The following HPR variants were observed in gnomAD, a reference collection of about 807,000 sequenced individuals.
HPR encodes the protein haptoglobin-related protein, also known as Haptoglobin-related locus.
In HPR, 17 loss-of-function variants were observed where a neutral mutation model predicts 18.5. That is an observed-to-expected ratio of 0.92 (90% CI 0.63 to 1.38). The LOEUF (loss-of-function observed/expected upper bound fraction) is 1.38, where lower values mean the gene tolerates loss of function less well. HPR is among the 40% of genes most tolerant of loss of function. The pLI is 0.00. For missense variants in HPR, 457 were observed against 432.4 expected (o/e 1.06, Z -0.51); for synonymous variants, 176 against 165.0 (o/e 1.07, Z -0.51).
In HPR at chr16:72,074,390, GACC is replaced by G; in HGVS notation, c.193+6_193+8del. 6.3e-7 allele frequency: 1 copy of G among 1,596,556 alleles called. No individual in the cohort carries two copies. The highest frequency in any genetic ancestry group is 8.6e-7 in the Non-Finnish European group (1 of 1,163,994). On this transcript the variant is annotated splice_donor_region_variant and intron_variant, in intron 3 of 4. Coordinates refer to ENST00000540303, the MANE Select transcript of HPR (RefSeq NM_020995.4). ...GACTGCGCACAGAAGGAGATGGTAAGACCTGGACAACTATCTCTGTGCTCTACC... is the reference window on the plus strand; with the variant it reads ...GACTGCGCACAGAAGGAGATGGTAAGTGGACAACTATCTCTGTGCTCTACC...
chr16:72,070,580 C>T (rs1365364351), intron 1 of HPR, among the ~76,000 whole-genome samples: 2 of 152,182 alleles, frequency 1.3e-5, no homozygotes, highest in African/African-American at 4.8e-5. Flanking sequence ...CAGGGCTCAC[C>T]CCAACCAAAT....
chr16:72,070,866 T>C (rs987503550), intron 1 of HPR, among the ~76,000 whole-genome samples: 3 of 152,174 alleles, frequency 2.0e-5, no homozygotes, highest in African/African-American at 7.2e-5. Flanking sequence ...CCACTCAGTA[T>C]GGAGGGTGGA....
intron 1 of HPR, among the ~76,000 whole-genome samples, chr16:72,072,969 C>T (rs918028380): frequency 2.0e-5 from 3 of 152,150 alleles, no homozygotes; most frequent in Non-Finnish European, 2.9e-5. Context: ...TGTGTTCTCC[C>T]TGCGCTGGTA....
chr16:72,076,087 TC>T (rs2041719207), intron 4 of HPR, among the ~76,000 whole-genome samples: 1 of 152,218 alleles, frequency 6.6e-6, no homozygotes, highest in Non-Finnish European at 1.5e-5. Flanking sequence ...ATTTCTCATT[TC>T]CTTATTTAGA....
chr16:72,074,267 C>T lies in HPR; in HGVS notation c.92-17C>T, dbSNP rs1385387010. 1.2e-6 allele frequency: 2 copies of T among 1,607,102 alleles called. No homozygotes were observed. Among genetic ancestry groups the T allele is most frequent in the Non-Finnish European group, 1.7e-6 (2 of 1,173,784 alleles). ...AATTTCCAAATGGTAAACTCTCTGG[C>T]TTCTCTCTCTTTGCAGATGACCGCT... On this transcript the variant is annotated splice_polypyrimidine_tract_variant and intron_variant, in intron 2 of 4. Coordinates refer to ENST00000540303, the MANE Select transcript of HPR (RefSeq NM_020995.4).
chr16:72,063,931 T>C (rs1250056042), intron 1 of HPR, among the ~76,000 whole-genome samples: 2 of 152,244 alleles, frequency 1.3e-5, no homozygotes, highest in Non-Finnish European at 1.5e-5. Context: ...TTAGTAGCGA[T>C]GTGGTTCACC....
intron 1 of HPR, among the ~76,000 whole-genome samples, chr16:72,072,416 C>A (rs925375362): frequency 6.6e-6 from 1 of 152,118 alleles, no homozygotes; most frequent in Non-Finnish European, 1.5e-5. Flanking sequence ...ATGATACCAG[C>A]GAAAGAGGGT....
intron 3 of HPR, chr16:72,074,598 G>A: frequency 1.4e-6 from 1 of 719,044 alleles, no homozygotes; most frequent in South Asian, 1.5e-5. Flanking sequence ...GTTAAGGGGA[G>A]GTGATGCCAT....
Position 72,076,831 on chromosome 16 carries a change from C to G in HPR, c.797C>G (p.Pro266Arg). 1.2e-6 allele frequency: 2 copies of G among 1,614,200 alleles called. No individual in the cohort carries two copies. The highest frequency in any genetic ancestry group is 1.6e-4 in the Middle Eastern group (1 of 6,062). ...EGSTCPKWKAPKSPVGVQPIL... is the reference protein window; with the variant it reads ...EGSTCPKWKARKSPVGVQPIL... ...AGCACATGCCCCAAATGGAAGGCACCGAAGAGCCCTGTAGGGGTGCAGCCC... is the reference window on the plus strand; with the variant it reads ...AGCACATGCCCCAAATGGAAGGCACGGAAGAGCCCTGTAGGGGTGCAGCCC... The change falls in exon 5 of 5, where the codon CCG (proline) becomes CGG (arginine). Residue 266 changes from proline to arginine, a missense_variant. By Grantham distance (103) the Pro-to-Arg change is moderately radical. Transcript: ENST00000540303.
At position 72,063,261 on chromosome 16, in the gene HPR, G is replaced by T. The variant is rs1355426404; in HGVS notation, c.5+1G>T. 1.9e-6 allele frequency: 3 copies of T among 1,593,726 alleles called. No homozygotes were observed. Among genetic ancestry groups the T allele is most frequent in the Non-Finnish European group, 2.6e-6 (3 of 1,168,768 alleles). On this transcript the variant is annotated splice_donor_variant, in intron 1 of 4. Coordinates refer to ENST00000540303, the MANE Select transcript of HPR (RefSeq NM_020995.4). LOFTEE classifies it high-confidence loss of function. ...CAGAGGCAAGACCAACCAAGATGAGGTGGGTCCACAGCTTTCCCTCCTGCC... is the reference window on the plus strand; with the variant it reads ...CAGAGGCAAGACCAACCAAGATGAGTTGGGTCCACAGCTTTCCCTCCTGCC...
At chr16:72,071,927 T>C (rs531232360) in intron 1 of HPR, among the ~76,000 whole-genome samples, 3 of 152,270 alleles carry the variant, frequency 2.0e-5, no homozygotes, top group South Asian at 2.1e-4. Context: ...ATCAGACAAC[T>C]GCAGGATTTG....
At chr16:72,069,972 A>C (rs1236573837) in intron 1 of HPR, among the ~76,000 whole-genome samples, 1 of 152,206 alleles carries the variant, frequency 6.6e-6, no homozygotes, top group Non-Finnish European at 1.5e-5. Context: ...TGATTCAGAC[A>C]ATGGAACCCA....
At chr16:72,075,837 T>TC (rs1567591011) in intron 4 of HPR, among the ~76,000 whole-genome samples, 2 of 151,238 alleles carry the variant, frequency 1.3e-5, no homozygotes, top group Non-Finnish European at 1.5e-5. Flanking sequence ...TTCTTTCTTT[T>TC]TTTTTTTTTT....
chr16:72,068,863 G>T (rs961666487), intron 1 of HPR, among the ~76,000 whole-genome samples: 24 of 152,006 alleles, frequency 1.6e-4, no homozygotes, highest in African/African-American at 5.6e-4. Flanking sequence ...TTAAAATATG[G>T]GGCTATTCTA....
intron 1 of HPR, among the ~76,000 whole-genome samples, chr16:72,070,426 A>C (rs1274990114): frequency 6.6e-6 from 1 of 152,178 alleles, no homozygotes; most frequent in Non-Finnish European, 1.5e-5. Flanking sequence ...GGGTGGAAGG[A>C]AGGCAAACTC....
At chr16:72,070,764 A>G (rs183245549) in intron 1 of HPR, among the ~76,000 whole-genome samples, 3 of 152,312 alleles carry the variant, frequency 2.0e-5, no homozygotes, top group Admixed American at 6.5e-5. Context: ...TCTCATGTAG[A>G]TAAGTACCTA....
At position 72,076,505 on chromosome 16, in the gene HPR, A is replaced by C. The variant is rs373853317; in HGVS notation, c.471A>C (p.Lys157Asn). 1 of 1,614,046 alleles carries C rather than the reference A, an allele frequency of 6.2e-7. No homozygotes were observed. Among genetic ancestry groups the C allele is most frequent in the African/African-American group, 1.3e-5 (1 of 74,944 alleles). The change falls in exon 5 of 5, where the codon AAA becomes AAC. Residue 157 changes from lysine (K) to asparagine (N), a missense_variant. Coordinates refer to ENST00000540303, the MANE Select transcript of HPR (RefSeq NM_020995.4). ...FLNHSENATA[K>N]DIAPTLTLYV... is the part of the protein sequence containing the mutation. ...ACCATTCAGAAAATGCAACAGCGAA[A>C]GACATTGCCCCTACTTTAACACTCT...
At chr16:72,076,220 C>T in intron 4 of HPR, 83 bp from the exon 5 acceptor site, 2 of 1,587,616 alleles carry the variant, frequency 1.3e-6, no homozygotes, top group Non-Finnish European at 1.7e-6. Context: ...GCAGCAGTGA[C>T]AGCCGCCAAT....
chr16:72,066,271 A>G (rs1597415464), intron 1 of HPR, among the ~76,000 whole-genome samples: 2 of 152,328 alleles, frequency 1.3e-5, no homozygotes, highest in South Asian at 4.1e-4. Flanking sequence ...GGAGTGGCAG[A>G]TCAAGTTGAT....
Sources: allele counts gnomAD v4.1 joint callset (sites outside exome capture counted in the v4.1 genomes callset), GRCh38; gene constraint gnomAD v4.1.1; transcripts MANE v1.5; gene names NCBI Gene and HGNC (gene_info 2026-07-23, HGNC 2026-07-21).